RIGI: variants seen among roughly 807,000 people sequenced by gnomAD.
The protein encoded by RIGI is antiviral innate immune response receptor RIG-I.
the RIGI span, chr9:32,476,969 GA>G: frequency 1.2e-5 from 20 of 1,607,738 alleles, no homozygotes; most frequent in Non-Finnish European, 1.6e-5. Flanking sequence ...TCTACAAGGA[GA>G]AAAAAAGCTT....
chr9:32,459,393 G>A, the RIGI span: 2 of 1,613,662 alleles, frequency 1.2e-6, no homozygotes, highest in East Asian at 2.2e-5. Flanking sequence ...TACGTCAGCT[G>A]TGTAACATGC....
At chr9:32,480,323 T>C in the RIGI span, 1 of 1,607,884 alleles carries the variant, frequency 6.2e-7, no homozygotes, top group African/African-American at 1.3e-5. Flanking sequence ...CATTCGTGCA[T>C]GCTCACTGAT....
At chr9:32,487,516 G>T in the RIGI span, 17 of 1,614,156 alleles carry the variant, frequency 1.1e-5, no homozygotes, top group Admixed American at 2.3e-4. Flanking sequence ...TCCAGATTGT[G>T]TTTGACTGTT....
chr9:32,466,576 C>T, the RIGI span: 1 of 783,422 alleles, frequency 1.3e-6, no homozygotes, highest in South Asian at 1.9e-5. Context: ...GAAAGTTGAG[C>T]TGTTAAAGAG....
the RIGI span, among the ~76,000 whole-genome samples, chr9:32,482,141 C>T: frequency 2.6e-5 from 4 of 151,930 alleles, no homozygotes; most frequent in Non-Finnish European, 5.9e-5. Context: ...CTACCTCTTG[C>T]CTTGTTCCCT....
chr9:32,515,106 G>A, the RIGI span, among the ~76,000 whole-genome samples: 2 of 152,138 alleles, frequency 1.3e-5, no homozygotes, highest in Non-Finnish European at 2.9e-5. Context: ...GGAAACCTGA[G>A]TAATCTTATT....
the RIGI span, chr9:32,500,706 A>G: frequency 6.9e-6 from 10 of 1,439,502 alleles, no homozygotes; most frequent in South Asian, 5.4e-5. Flanking sequence ...GGCATGAACT[A>G]TAAGTGGATA....
At chr9:32,505,081 A>C in the RIGI span, among the ~76,000 whole-genome samples, 1 of 144,950 alleles carries the variant, frequency 6.9e-6, no homozygotes, top group Non-Finnish European at 1.5e-5. Context: ...TTATATATTA[A>C]ATATATAATA....
At chr9:32,492,337 C>A in the RIGI span, 6 of 1,596,954 alleles carry the variant, frequency 3.8e-6, no homozygotes, top group South Asian at 1.1e-5. Context: ...TGTAAAAGAC[C>A]GGTTGGAATG....
the RIGI span, among the ~76,000 whole-genome samples, chr9:32,482,780 AC>A: frequency 6.6e-6 from 1 of 151,856 alleles, no homozygotes; most frequent in Admixed American, 6.6e-5. Context: ...AATCGCTTGA[AC>A]CCAGGAGACG....
At chr9:32,477,226 A>C in the RIGI span, 4 of 1,435,900 alleles carry the variant, frequency 2.8e-6, no homozygotes, top group Non-Finnish European at 3.8e-6. Flanking sequence ...CTGATCTCTA[A>C]ATCTTTGACC....
chr9:32,485,122 A>G, the RIGI span: 1 of 1,307,398 alleles, frequency 7.6e-7, no homozygotes, highest in South Asian at 1.3e-5. Flanking sequence ...GATAGTGAAC[A>G]ATAAATGGCT....
At chr9:32,459,061 T>G in the RIGI span, among the ~76,000 whole-genome samples, 3 of 151,970 alleles carry the variant, frequency 2.0e-5, no homozygotes, top group Non-Finnish European at 4.4e-5. Context: ...GCTAACTTTT[T>G]TATTTTTAGT....
At chr9:32,504,976 T>G in the RIGI span, among the ~76,000 whole-genome samples, 1 of 136,262 alleles carries the variant, frequency 7.3e-6, no homozygotes, top group Non-Finnish European at 1.6e-5. Context: ...TTCTATATTA[T>G]ATATCATATA....
the RIGI span, chr9:32,477,006 C>T: frequency 6.2e-7 from 1 of 1,613,722 alleles, no homozygotes; most frequent in East Asian, 2.2e-5. Flanking sequence ...CTGGTTTTCA[C>T]AAAGAGAATT....
chr9:32,455,554 T>TCC, the RIGI span, among the ~76,000 whole-genome samples: 1 of 152,082 alleles, frequency 6.6e-6, no homozygotes, highest in African/African-American at 2.4e-5. Flanking sequence ...GTCAGGTCCC[T>TCC]CCCTTGACAC....
At chr9:32,500,840 C>T in the RIGI span, 1 of 1,614,154 alleles carries the variant, frequency 6.2e-7, no homozygotes. Flanking sequence ...GCCACGGAAC[C>T]AGCCTTCCTC....
chr9:32,495,872 G>C, the RIGI span, among the ~76,000 whole-genome samples: 1 of 152,038 alleles, frequency 6.6e-6, no homozygotes, highest in Non-Finnish European at 1.5e-5. Flanking sequence ...GGCCAGGCTG[G>C]TCTTGAACTC....
the RIGI span, chr9:32,498,282 A>G: frequency 2.2e-6 from 1 of 456,718 alleles, no homozygotes; most frequent in South Asian, 1.5e-5. Flanking sequence ...GTTTTTGAAC[A>G]TGGGTCCCAT....
Sources: gnomAD v4.1 joint callset for allele counts (sites outside exome capture counted in the v4.1 genomes callset) on GRCh38, gnomAD v4.1.1 for gene constraint, MANE v1.5 for transcripts, NCBI Gene and HGNC (gene_info 2026-07-23, HGNC 2026-07-21) for gene names.